The following RBPMS variants were observed in gnomAD, a reference collection of about 807,000 sequenced individuals.
RBPMS encodes RNA-binding protein with multiple splicing.
In RBPMS, 7 loss-of-function variants were observed where a neutral mutation model predicts 26.8. That is an observed-to-expected ratio of 0.26 (90% CI 0.15 to 0.49). The LOEUF is 0.49. Among genes scored for constraint, RBPMS ranks in the 20% least tolerant of loss-of-function variants. The pLI is 0.98. For missense variants in RBPMS, 186 were observed against 250.0 expected (o/e 0.74, Z 1.73); for synonymous variants, 96 against 93.3 (o/e 1.03, Z -0.17).
At chr8:30,479,884 CGT>C (rs1818097786) in intron 4 of RBPMS, among the ~76,000 whole-genome samples, 1 of 151,056 alleles carries the variant, frequency 6.6e-6, no homozygotes, top group Non-Finnish European at 1.5e-5. Flanking sequence ...TCCCAAAAGA[CGT>C]GTGTTGTAAT....
chr8:30,501,102 A>G (rs1820503678), intron 4 of RBPMS, among the ~76,000 whole-genome samples: 1 of 152,150 alleles, frequency 6.6e-6, no homozygotes, highest in Non-Finnish European at 1.5e-5. Flanking sequence ...TGATGCTGCT[A>G]ACATTTGAGG....
At chr8:30,431,118 G>A (rs929471306) in intron 1 of RBPMS, among the ~76,000 whole-genome samples, 2 of 152,192 alleles carry the variant, frequency 1.3e-5, no homozygotes, top group African/African-American at 4.8e-5. Context: ...TCACTGGGAA[G>A]CATGCATTAT....
intron 7 of RBPMS, among the ~76,000 whole-genome samples, chr8:30,562,927 T>C (rs1019870233): frequency 1.3e-5 from 2 of 152,216 alleles, no homozygotes; most frequent in Admixed American, 6.5e-5. Context: ...AGACTAGATA[T>C]GTAAATAAGA....
chr8:30,549,809 T>TCTCTCCCCTCTCTC lies in RBPMS; in HGVS notation c.528+5190_528+5191insCCCTCTCTCCTCTC, dbSNP rs1554543963. ...CTCTCTCTCTCTCCCCTCTCTCCTCTCTCTCTCTCTCTCTCTCTTTTCTTT... is the reference window on the plus strand; with the variant it reads ...CTCTCTCTCTCTCCCCTCTCTCCTCTCTCTCCCCTCTCTCCTCTCTCTCTCTCTCTCTTTTCTTT... On this transcript the variant is annotated intron_variant, in intron 6 of 8. Coordinates refer to ENST00000397323, the MANE Select transcript of RBPMS (RefSeq NM_001008710.3). Among the ~76,000 whole-genome samples, 131 of 92,528 alleles carry TCTCTCCCCTCTCTC rather than the reference T, an allele frequency of 1.4e-3. 2 individuals carry two copies. The highest frequency in any genetic ancestry group is 7.2e-3 in the Middle Eastern group (1 of 138). The allele number at this position is 92,528 out of a possible 152,430, so 60.7% of individuals were successfully genotyped here.
At chr8:30,547,941 G>C (rs1349806808) in intron 6 of RBPMS, among the ~76,000 whole-genome samples, 1 of 152,110 alleles carries the variant, frequency 6.6e-6, no homozygotes, top group Non-Finnish European at 1.5e-5. Context: ...GCTGTGGTCT[G>C]GTACCCCTTC....
intron 1 of RBPMS, among the ~76,000 whole-genome samples, chr8:30,415,424 T>C (rs953942621): frequency 1.3e-5 from 2 of 152,218 alleles, no homozygotes; most frequent in African/African-American, 4.8e-5. Context: ...AAATATACTC[T>C]GCCACTCTGC....
At chr8:30,495,665 AG>A (rs1819867043) in intron 4 of RBPMS, among the ~76,000 whole-genome samples, 1 of 152,240 alleles carries the variant, frequency 6.6e-6, no homozygotes, top group African/African-American at 2.4e-5. Context: ...CTCATTGGGC[AG>A]TAACCCAGCA....
At chr8:30,500,651 G>A (rs1035179523) in intron 4 of RBPMS, among the ~76,000 whole-genome samples, 2 of 152,164 alleles carry the variant, frequency 1.3e-5, no homozygotes, top group Non-Finnish European at 2.9e-5. Context: ...GGCTGTTACG[G>A]TGACTCAGCT....
At chr8:30,519,659 T>C (rs1822824395) in intron 5 of RBPMS, among the ~76,000 whole-genome samples, 1 of 151,910 alleles carries the variant, frequency 6.6e-6, no homozygotes, top group South Asian at 2.1e-4. Flanking sequence ...AATATTTTTA[T>C]TTTTATTTTT....
intron 6 of RBPMS, among the ~76,000 whole-genome samples, chr8:30,548,065 A>G (rs1049420687): frequency 6.6e-6 from 1 of 152,232 alleles, no homozygotes; most frequent in African/African-American, 2.4e-5. Context: ...ATGTTTAGAG[A>G]TCAAAGAGCG....
chr8:30,449,369 C>CTTTTTTTT (rs5890522), intron 1 of RBPMS, among the ~76,000 whole-genome samples: 13 of 106,478 alleles, frequency 1.2e-4, no homozygotes, highest in African/African-American at 5.2e-4. Context: ...CACATCTCCT[C>CTTTTTTTT]TTTTTTTTTT....
At chr8:30,546,933 C>T (rs545496536) in intron 6 of RBPMS, among the ~76,000 whole-genome samples, 3 of 152,330 alleles carry the variant, frequency 2.0e-5, no homozygotes, top group East Asian at 3.9e-4. Flanking sequence ...CCAGGCCTGG[C>T]TCTTTCCACT....
At chr8:30,453,706 T>A (rs1193927234) in intron 1 of RBPMS, 6 of 152,168 alleles carry the variant, frequency 3.9e-5, no homozygotes, top group Admixed American at 3.9e-4. Context: ...ACGGCCTGAT[T>A]CAAAGGCCTC....
At chr8:30,502,199 G>A (rs1304135635) in intron 4 of RBPMS, among the ~76,000 whole-genome samples, 4 of 128,198 alleles carry the variant, frequency 3.1e-5, no homozygotes, top group Non-Finnish European at 4.8e-5. Flanking sequence ...TGATGTTGAT[G>A]TTATTTTAGT....
At chr8:30,485,851 C>G (rs1818712719) in intron 4 of RBPMS, among the ~76,000 whole-genome samples, 1 of 152,208 alleles carries the variant, frequency 6.6e-6, no homozygotes, top group Non-Finnish European at 1.5e-5. Flanking sequence ...TGTTCTGGCT[C>G]TGTTCTCTTC....
intron 5 of RBPMS, among the ~76,000 whole-genome samples, chr8:30,510,868 C>T (rs2150953684): frequency 6.6e-6 from 1 of 152,228 alleles, no homozygotes; most frequent in East Asian, 1.9e-4. Flanking sequence ...CCATGACTCA[C>T]TTCTTTTTGA....
chr8:30,479,156 G>A (rs1818016910), intron 3 of RBPMS, among the ~76,000 whole-genome samples, 159 bp from the exon 4 acceptor site: 1 of 152,162 alleles, frequency 6.6e-6, no homozygotes, highest in African/African-American at 2.4e-5. Context: ...ATTTGGCTAA[G>A]CCACTGAGTC....
At chr8:30,489,689 C>T (rs1031116821) in intron 4 of RBPMS, among the ~76,000 whole-genome samples, 6 of 152,058 alleles carry the variant, frequency 3.9e-5, no homozygotes, top group Non-Finnish European at 7.4e-5. Context: ...GTGTTCTGCC[C>T]GCCTCGGCCT....
In RBPMS at chr8:30,524,370, C is replaced by T. The variant is rs538998219; in HGVS notation, c.397+19934C>T. Among the ~76,000 whole-genome samples, 10 of 152,258 alleles carry T rather than the reference C, an allele frequency of 6.6e-5. No individual in the cohort carries two copies. In the South Asian group the frequency reaches 2.1e-3, roughly 32 times the overall value. ...AGATTATACCAATGTACACAGCCAA[C>T]AGCCATGTACCAGAATATCCAAATT... On this transcript the variant is annotated intron_variant, in intron 5 of 8. Coordinates refer to ENST00000397323, the MANE Select transcript of RBPMS (RefSeq NM_001008710.3).
Sources: allele counts gnomAD v4.1 joint callset (sites outside exome capture counted in the v4.1 genomes callset), GRCh38; gene constraint gnomAD v4.1.1; transcripts MANE v1.5; gene names NCBI Gene and HGNC (gene_info 2026-07-23, HGNC 2026-07-21).